The following DNAAF5 variants were observed in gnomAD, a reference collection of about 807,000 sequenced individuals.
DNAAF5 encodes the protein HEAT repeat containing 2.
Under a neutral mutation model 75.8 loss-of-function variants are expected in DNAAF5, and 64 were observed. The ratio of observed to expected loss-of-function variants is 0.84; its 90% CI spans 0.69 to 1.04. DNAAF5 has a LOEUF of 1.04. Among genes scored for constraint, DNAAF5 ranks in the 50% least tolerant of loss-of-function variants. The pLI is 0.00. For missense variants in DNAAF5, 1,269 were observed against 1,178.5 expected, an observed-to-expected ratio of 1.08 and a Z score of -1.12; for synonymous variants, 657 against 557.2, an observed-to-expected ratio of 1.18 and a Z score of -2.52.
rs80199177 is a variant in DNAAF5, at chr7:754,130, G to A, written c.1025-459G>A. On this transcript the variant is annotated intron_variant, in intron 4 of 12. Coordinates refer to ENST00000297440, the MANE Select transcript of DNAAF5 (RefSeq NM_017802.4). The surrounding 1 kb of genome is among the most constrained non-coding windows in gnomAD (Gnocchi z 4.8). The stretch of plus-strand genomic sequence containing the variant: ...TCTCTCTGATCATACACGTCAGCAC[G>A]TGTGGCAAGTGTGTTGTTTGCATCT... 0.015 allele frequency among the ~76,000 whole-genome samples: 2,342 copies of A among 152,260 alleles called. 39 individuals carry two copies. Among genetic ancestry groups the A allele is most frequent in the East Asian group, 0.11 (592 of 5,172 alleles).
At position 770,569 on chromosome 7, in the gene DNAAF5, A is replaced by G; in HGVS notation, c.1882A>G (p.Ile628Val). The G allele has an allele frequency of 1.2e-6, 2 of 1,613,886 alleles. No homozygotes were observed. The highest frequency in any genetic ancestry group is 1.7e-6 in the Non-Finnish European group (2 of 1,179,974). Residue 628 changes from isoleucine to valine, a missense_variant, in exon 9 of 13, where the codon ATC becomes GTC. Ile to Val is a conservative substitution (Grantham distance 29, BLOSUM62 3). Coordinates refer to ENST00000297440, the MANE Select transcript of DNAAF5 (RefSeq NM_017802.4). Reference sequence around the variant, plus strand: ...GCAGATGCGCCTGAAGCTGTTCTCCATCCTGTCCACCGTGCTGCTCAGAGC... The same window carrying G: ...GCAGATGCGCCTGAAGCTGTTCTCCGTCCTGTCCACCGTGCTGCTCAGAGC... ...DPQMRLKLFS[I>V]LSTVLLRATD...
chr7:730,098 A>G (rs1781518873), intron 2 of DNAAF5, among the ~76,000 whole-genome samples: 1 of 152,204 alleles, frequency 6.6e-6, no homozygotes, highest in Non-Finnish European at 1.5e-5. Context: ...ATTGTCTCTT[A>G]GGCACAGTGT....
intron 2 of DNAAF5, among the ~76,000 whole-genome samples, chr7:733,969 A>C (rs1287311467): frequency 3.3e-5 from 5 of 152,184 alleles, no homozygotes; most frequent in African/African-American, 1.2e-4. Context: ...GTATCCTGCA[A>C]CTTTACTGAA....
Position 756,811 on chromosome 7 carries a change from G to T in DNAAF5, c.1287G>T (p.Thr429=). ...CCAGATCCGCAGAGCTCGTCGGGAC[G>T]TTTGTCAGCCCTGAGGTGTTTCTGA... ...SCTRSAELVG[T]FVSPEVFLKL... is the part of the protein sequence containing the mutation. Residue 429 remains threonine (T), a synonymous_variant, in exon 6 of 13, where the codon ACG becomes ACT. Transcript: ENST00000297440. 2.5e-6 allele frequency: 4 copies of T among 1,613,966 alleles called. No homozygotes were observed. The South Asian group carries it at 3.3e-5, about 13-fold the overall frequency.
intron 9 of DNAAF5, chr7:772,771 C>T (rs1778612988): frequency 6.6e-6 from 1 of 152,248 alleles, no homozygotes; most frequent in Admixed American, 6.5e-5. Context: ...TCACTTGAAC[C>T]TGGGAGGCAG....
At chr7:734,427 T>G (rs1781672238) in intron 2 of DNAAF5, among the ~76,000 whole-genome samples, 1 of 152,384 alleles carries the variant, frequency 6.6e-6, no homozygotes, top group South Asian at 2.1e-4. Context: ...GAGCCATCCT[T>G]GCATTCCTGG....
In DNAAF5 at chr7:727,309, A is replaced by T; in HGVS notation, c.589A>T (p.Thr197Ser). 1 of 1,283,212 alleles carries T rather than the reference A, an allele frequency of 7.8e-7. No individual in the cohort carries two copies. The highest frequency in any genetic ancestry group is 9.8e-7 in the Non-Finnish European group (1 of 1,017,944). 79.5% of individuals were successfully genotyped at this position (1,283,212 alleles called of 1,614,324 possible). A position where few individuals can be genotyped will look rare whatever the true frequency, so the allele number is the denominator to read the frequency against. Residue 197 changes from threonine (T) to serine (S), a missense_variant, in exon 1 of 13, where the codon ACG becomes TCG. Physicochemically the swap from Thr to Ser is moderately conservative, Grantham distance 58. Coordinates refer to ENST00000297440, the MANE Select transcript of DNAAF5 (RefSeq NM_017802.4). The stretch of plus-strand genomic sequence containing the variant: ...CTGCGCCGCCGCCCTGGCGCAGGCC[A>T]CGCCCGGTGAGCACCCCGGGCCCCG... Reference protein sequence around the residue: ...CSCAAALAQATPDHFHMQSES... With the variant: ...CSCAAALAQASPDHFHMQSES...
intron 3 of DNAAF5, 50 bp from the exon 4 acceptor site, chr7:741,296 TC>T: frequency 7.2e-7 from 1 of 1,398,256 alleles, no homozygotes; most frequent in African/African-American, 1.4e-5. Context: ...CCCTGCGGCC[TC>T]CCCTGCGTGC....
At chr7:777,502 C>T (rs546354869) in intron 11 of DNAAF5, among the ~76,000 whole-genome samples, 2 of 141,922 alleles carry the variant, frequency 1.4e-5, no homozygotes, top group East Asian at 2.4e-4. Flanking sequence ...CTGGGAAGTC[C>T]GGAGTGACAC....
intron 2 of DNAAF5, 74 bp downstream of exon 2, chr7:729,921 C>T: frequency 7.1e-7 from 1 of 1,417,260 alleles, no homozygotes; most frequent in Non-Finnish European, 9.8e-7. Flanking sequence ...TTTTAACTAA[C>T]TCACTTGTTC....
At chr7:783,429 C>T (rs576504332) in intron 12 of DNAAF5, among the ~76,000 whole-genome samples, 1 of 152,202 alleles carries the variant, frequency 6.6e-6, no homozygotes, top group South Asian at 2.1e-4. Flanking sequence ...GCATGCTCTG[C>T]GTGCGACCAC....
intron 8 of DNAAF5, chr7:768,992 C>G (rs1305452973): frequency 1.7e-6 from 1 of 600,742 alleles, no homozygotes. Context: ...AGCTTCGGTG[C>G]AACGCCTCCT....
chr7:769,543 T>C (rs1183713807), intron 8 of DNAAF5, among the ~76,000 whole-genome samples: 1 of 152,168 alleles, frequency 6.6e-6, no homozygotes, highest in Non-Finnish European at 1.5e-5. Flanking sequence ...GCTGCAACGC[T>C]GAGAAGCAGA....
At chr7:751,468 C>T (rs1782290607) in intron 4 of DNAAF5, among the ~76,000 whole-genome samples, 1 of 152,100 alleles carries the variant, frequency 6.6e-6, no homozygotes, top group African/African-American at 2.4e-5. Flanking sequence ...CCACTGCACT[C>T]CAGCCTGGGT....
chr7:754,751 A>C lies in DNAAF5; in HGVS notation c.1187A>C (p.Gln396Pro). 2 of 1,613,570 alleles carry C rather than the reference A, an allele frequency of 1.2e-6. No individual in the cohort carries two copies. The highest frequency in any genetic ancestry group is 1.7e-6 in the Non-Finnish European group (2 of 1,179,990). Residue 396 changes from glutamine (Q) to proline (P), a missense_variant, in exon 5 of 13, where the codon CAG (glutamine) becomes CCG (proline). Physicochemically the swap from Gln to Pro is moderately conservative, Grantham distance 76. Transcript: ENST00000297440. This position sits in a 1 kb window ranked among gnomAD's most constrained non-coding sequence, Gnocchi z 4.8. ...CTGCATGCCGAGGACCACGCCACGCAGCACCTGGAGGTCGTCCTCCGGACC... is the reference window on the plus strand; with the variant it reads ...CTGCATGCCGAGGACCACGCCACGCCGCACCTGGAGGTCGTCCTCCGGACC... ...LLLHAEDHAT[Q>P]HLEVVLRTLF...
chr7:742,725 A>G (rs1224711742), intron 4 of DNAAF5, among the ~76,000 whole-genome samples: 8 of 149,454 alleles, frequency 5.4e-5, no homozygotes, highest in African/African-American at 2.0e-4. Flanking sequence ...TCAGATGCCC[A>G]GCTCAAATCA....
At chr7:740,089 G>A (rs981896091) in intron 2 of DNAAF5, among the ~76,000 whole-genome samples, 3 of 152,144 alleles carry the variant, frequency 2.0e-5, no homozygotes, top group Admixed American at 2.0e-4. Flanking sequence ...GAGCTCCCAG[G>A]ATCAGTCTGC....
intron 4 of DNAAF5, chr7:751,083 G>A (rs1005036016): frequency 1.3e-5 from 2 of 152,208 alleles, no homozygotes; most frequent in African/African-American, 4.8e-5. Context: ...CTCAGGAGGT[G>A]AAGGTTGCAG....
chr7:776,933 A>T (rs919879309), intron 11 of DNAAF5, among the ~76,000 whole-genome samples: 59 of 152,314 alleles, frequency 3.9e-4, no homozygotes, highest in African/African-American at 1.3e-3. Context: ...CTCCTGTCAG[A>T]TCGGCAACGG....
Sources: gnomAD v4.1 joint callset for allele counts (sites outside exome capture counted in the v4.1 genomes callset) on GRCh38, gnomAD v4.1.1 for gene constraint, Gnocchi (gnomAD v3.1) non-coding constraint, MANE v1.5 for transcripts, NCBI Gene and HGNC (gene_info 2026-07-23, HGNC 2026-07-21) for gene names.